The following ADAM7 variants were observed in gnomAD, a reference collection of about 807,000 sequenced individuals.
The protein encoded by ADAM7 is disintegrin and metalloproteinase domain-containing protein 7.
In ADAM7, 97 loss-of-function variants were observed where a neutral mutation model predicts 102.9. The ratio of observed to expected loss-of-function variants is 0.94; its 90% CI spans 0.80 to 1.12. The LOEUF is 1.12. ADAM7 is among the 50% of genes most tolerant of loss of function. ADAM7 has a pLI of 0.00. For synonymous variants in ADAM7, 334 were observed against 304.4 expected, an observed-to-expected ratio of 1.10 and a Z score of -1.01; for missense variants, 991 against 908.7, an observed-to-expected ratio of 1.09 and a Z score of -1.16.
intron 8 of ADAM7, among the ~76,000 whole-genome samples, chr8:24,477,568 C>A (rs1297844930): frequency 6.8e-6 from 1 of 145,986 alleles, no homozygotes; most frequent in Admixed American, 6.8e-5. Flanking sequence ...ATACCCTCAT[C>A]AGTGTGTGTG....
chr8:24,507,622 C>A, intron 21 of ADAM7, 87 bp downstream of exon 21: 2 of 1,126,122 alleles, frequency 1.8e-6, no homozygotes, highest in South Asian at 1.3e-5. Context: ...CATTGATTTA[C>A]TGGGGACATC....
At chr8:24,465,917 C>T (rs1238045690) in intron 5 of ADAM7, 142 bp downstream of exon 5, 1 of 529,666 alleles carries the variant, frequency 1.9e-6, no homozygotes, top group African/African-American at 1.9e-5. Flanking sequence ...TTAGCAGTTT[C>T]AGCTGTAGCC....
intron 10 of ADAM7, among the ~76,000 whole-genome samples, chr8:24,486,788 T>A (rs1045484287): frequency 2.6e-5 from 4 of 152,104 alleles, no homozygotes; most frequent in Non-Finnish European, 5.9e-5. Context: ...TTACTCACCT[T>A]CCAAAGACTT....
At chr8:24,453,765 T>C (rs1214876553) in intron 3 of ADAM7, among the ~76,000 whole-genome samples, 1 of 152,198 alleles carries the variant, frequency 6.6e-6, no homozygotes, top group South Asian at 2.1e-4. Flanking sequence ...CTCTGTTTTT[T>C]CTCCATCTTT....
Position 24,490,882 on chromosome 8 carries a change from T to C in ADAM7, c.1350T>C (p.Ser450=), listed in dbSNP as rs1820322121. 1.9e-6 allele frequency: 3 copies of C among 1,613,674 alleles called. No individual in the cohort carries two copies. The highest frequency in any genetic ancestry group is 2.5e-6 in the Non-Finnish European group (3 of 1,179,696). ...FTCAEGECCE[S]CQIKKAGSIC... ...GTGCAGAAGGAGAATGCTGTGAATC[T>C]TGTCAGGTAAGGTCATGTGCCAGGA... The change falls in exon 13 of 22, where the codon TCT becomes TCC. Residue 450 remains serine (S), a synonymous_variant. Transcript: ENST00000175238.
intron 3 of ADAM7, among the ~76,000 whole-genome samples, chr8:24,454,639 C>T (rs531344843): frequency 2.6e-5 from 4 of 152,266 alleles, no homozygotes; most frequent in Non-Finnish European, 4.4e-5. Flanking sequence ...TGCTTCTGCT[C>T]GTGCACGGTG....
At chr8:24,490,129 C>A (rs1240092241) in intron 12 of ADAM7, among the ~76,000 whole-genome samples, 1 of 152,100 alleles carries the variant, frequency 6.6e-6, no homozygotes, top group Non-Finnish European at 1.5e-5. Context: ...AGTAGGACAG[C>A]AGTTAGAGAC....
rs562131326 is a variant in ADAM7, at chr8:24,509,107, T to C, written c.*561T>C. 8.1e-6 allele frequency: 8 copies of C among 985,502 alleles called. No individual in the cohort carries two copies. The East Asian group carries it at 9.1e-4, about 112-fold the overall frequency. The allele number at this position is 985,502 out of a possible 1,614,324, so 61.0% of individuals were successfully genotyped here. A position where few individuals can be genotyped will look rare whatever the true frequency, so the allele number is the denominator to read the frequency against. On this transcript the variant is annotated 3_prime_UTR_variant, in exon 22 of 22. Coordinates refer to ENST00000175238, the MANE Select transcript of ADAM7 (RefSeq NM_003817.4). ...GTGGACAGAACTGCAGGATAGTCCT[T>C]AAAATAATGGTGGTGGGAAAGGAAA...
chr8:24,477,728 C>T (rs1819815962), intron 8 of ADAM7, among the ~76,000 whole-genome samples: 1 of 151,964 alleles, frequency 6.6e-6, no homozygotes, highest in African/African-American at 2.4e-5. Flanking sequence ...TCTCTCTTCT[C>T]TTTCTCATAT....
intron 9 of ADAM7, 125 bp from the exon 10 acceptor site, chr8:24,485,152 C>G (rs1820094501): frequency 5.9e-6 from 5 of 842,128 alleles, no homozygotes; most frequent in Non-Finnish European, 9.6e-6. Context: ...TTCCAAAACT[C>G]CAGAAATAAG....
chr8:24,478,868 A>T (rs1384967765), intron 8 of ADAM7, among the ~76,000 whole-genome samples: 1 of 152,146 alleles, frequency 6.6e-6, no homozygotes, highest in African/African-American at 2.4e-5. Flanking sequence ...TTATGCCTGA[A>T]ATGGTACACT....
At chr8:24,489,959 C>A (rs951344287) in intron 12 of ADAM7, among the ~76,000 whole-genome samples, 1 of 152,128 alleles carries the variant, frequency 6.6e-6, no homozygotes, top group African/African-American at 2.4e-5. Context: ...AGATGAATCA[C>A]CAGGGGACAT....
chr8:24,491,830 C>T, intron 13 of ADAM7, 73 bp from the exon 14 acceptor site: 1 of 1,294,668 alleles, frequency 7.7e-7, no homozygotes, highest in African/African-American at 1.5e-5. Flanking sequence ...AATGGGTCAA[C>T]TTTCTGTCTA....
intron 3 of ADAM7, among the ~76,000 whole-genome samples, chr8:24,454,488 T>C (rs1818927740): frequency 6.6e-6 from 1 of 152,214 alleles, no homozygotes; most frequent in South Asian, 2.1e-4. Flanking sequence ...TGGTGCGCCA[T>C]TTTTTAAGCC....
At chr8:24,507,644 TCA>T (rs34338646) in intron 21 of ADAM7, 109 bp downstream of exon 21, 558,472 of 853,792 alleles carry the variant, frequency 0.65, 188,395 homozygotes, top group African/African-American at 0.8. Flanking sequence ...TCTGTACTTA[TCA>T]CAACAGATTA....
chr8:24,485,204 C>A lies in ADAM7; in HGVS notation c.876-73C>A, dbSNP rs1416672736. Reference sequence around the variant, plus strand: ...CAAAAGCATTGGCATTGCTGGGGTTCACTGCAATTTGATCTTTGTGTTAAT... The same window carrying A: ...CAAAAGCATTGGCATTGCTGGGGTTAACTGCAATTTGATCTTTGTGTTAAT... On this transcript the variant is annotated intron_variant, in intron 9 of 21. Transcript: ENST00000175238. 2.2e-6 allele frequency: 3 copies of A among 1,343,922 alleles called. No homozygotes were observed. The African/African-American group carries it at 4.4e-5, about 20-fold the overall frequency. 83.2% of individuals were successfully genotyped at this position (1,343,922 alleles called of 1,614,324 possible). A position where few individuals can be genotyped will look rare whatever the true frequency, so the allele number is the denominator to read the frequency against.
At chr8:24,465,039 C>T (rs1819380302) in intron 4 of ADAM7, among the ~76,000 whole-genome samples, 1 of 152,216 alleles carries the variant, frequency 6.6e-6, no homozygotes, top group Non-Finnish European at 1.5e-5. Flanking sequence ...CCCGCCTTGG[C>T]CTCCCAAAGT....
intron 9 of ADAM7, among the ~76,000 whole-genome samples, chr8:24,482,919 C>A (rs1041037729): frequency 4.6e-5 from 7 of 152,196 alleles, no homozygotes; most frequent in Middle Eastern, 6.8e-3. Context: ...TTATCAGCAT[C>A]CAGTGCTAAC....
At chr8:24,464,086 A>G (rs957563443) in intron 4 of ADAM7, 126 bp downstream of exon 4, 3 of 761,524 alleles carry the variant, frequency 3.9e-6, no homozygotes, top group Non-Finnish European at 4.2e-6. Flanking sequence ...CTCTGAATTG[A>G]TTACTCTCAC....
Sources: gnomAD v4.1 joint callset for allele counts (sites outside exome capture counted in the v4.1 genomes callset) on GRCh38, gnomAD v4.1.1 for gene constraint, MANE v1.5 for transcripts, NCBI Gene and HGNC (gene_info 2026-07-23, HGNC 2026-07-21) for gene names.